Variants in XXYLT1 observed in about 807,000 individuals in gnomAD.
XXYLT1 encodes UDP-xylose:alpha-xyloside alpha-1,3-xylosyltransferase.
A neutral mutation model predicts 28.9 loss-of-function variants in XXYLT1; 20 were observed. That is an observed-to-expected ratio of 0.69 (90% CI 0.49 to 1.00). The LOEUF (loss-of-function observed/expected upper bound fraction) is 1.00. Among genes scored for constraint, XXYLT1 ranks in the 50% least tolerant of loss-of-function variants. The pLI is 0.00. For missense variants in XXYLT1, 542 were observed against 560.1 expected, an observed-to-expected ratio of 0.97 and a Z score of 0.33; for synonymous variants, 257 against 253.8, an observed-to-expected ratio of 1.01 and a Z score of -0.12.
chr3:195,236,020 C>G (rs1380014569), intron 1 of XXYLT1, among the ~76,000 whole-genome samples: 1 of 152,196 alleles, frequency 6.6e-6, no homozygotes, highest in Non-Finnish European at 1.5e-5. Context: ...ACTATCACCA[C>G]TGGGACTGCA....
At chr3:195,116,714 G>C (rs1718061009) in intron 3 of XXYLT1, among the ~76,000 whole-genome samples, 1 of 152,160 alleles carries the variant, frequency 6.6e-6, no homozygotes. Flanking sequence ...GAAGGGAAAG[G>C]GAAGGTAAGT....
chr3:195,179,785 C>T (rs1001341928), intron 2 of XXYLT1, among the ~76,000 whole-genome samples: 2 of 152,086 alleles, frequency 1.3e-5, no homozygotes, highest in Non-Finnish European at 2.9e-5. Flanking sequence ...TTCCAGATTC[C>T]ACTTGCAGCC....
At chr3:195,121,420 CT>C (rs1395828356) in intron 3 of XXYLT1, among the ~76,000 whole-genome samples, 2 of 152,206 alleles carry the variant, frequency 1.3e-5, no homozygotes, top group African/African-American at 4.8e-5. Context: ...CCTTTAACTC[CT>C]TTTGGCCTTC....
intron 3 of XXYLT1, among the ~76,000 whole-genome samples, chr3:195,090,272 T>G (rs1389953699): frequency 6.6e-5 from 10 of 151,726 alleles, no homozygotes; most frequent in Non-Finnish European, 1.5e-4. Context: ...ACCACATACT[T>G]GGAAGTAAAG....
intron 2 of XXYLT1, among the ~76,000 whole-genome samples, chr3:195,184,310 C>T (rs1369137285): frequency 3.9e-5 from 6 of 152,220 alleles, no homozygotes; most frequent in African/African-American, 7.2e-5. Context: ...TTCCAAAATG[C>T]TAAATGTGAC....
At chr3:195,106,656 G>C (rs1717111412) in intron 3 of XXYLT1, among the ~76,000 whole-genome samples, 1 of 152,254 alleles carries the variant, frequency 6.6e-6, no homozygotes, top group African/African-American at 2.4e-5. Context: ...AGAGCGGGAG[G>C]GGCCTGGGGC....
intron 2 of XXYLT1, among the ~76,000 whole-genome samples, chr3:195,164,970 G>C (rs987466536): frequency 6.6e-6 from 1 of 151,970 alleles, no homozygotes; most frequent in Non-Finnish European, 1.5e-5. Flanking sequence ...CATTGGAAGG[G>C]GAGAGTCTGT....
At chr3:195,143,863 TAGATATAG>T (rs1425830191) in intron 3 of XXYLT1, among the ~76,000 whole-genome samples, 3,682 of 97,756 alleles carry the variant, frequency 0.038, 236 homozygotes, top group East Asian at 0.19. Context: ...TAGATATATA[TAGATATAG>T]ATATATATAT....
chr3:195,157,055 CA>C (rs1304747832), intron 2 of XXYLT1, among the ~76,000 whole-genome samples: 1 of 151,948 alleles, frequency 6.6e-6, no homozygotes, highest in Non-Finnish European at 1.5e-5. Context: ...CCAGCCTGAC[CA>C]ACATTGTGAA....
In XXYLT1 at chr3:195,122,943, C is replaced by T. The variant is rs570389855; in HGVS notation, c.785+33506G>A. ...GACCAGGTGCTATAAGCCAGGAGCC[C>T]GGGCACTGGCCTGGTTCTGCAACGA... On this transcript the variant is annotated intron_variant, in intron 3 of 3. Transcript: ENST00000310380. 4.6e-5 allele frequency among the ~76,000 whole-genome samples: 7 copies of T among 152,128 alleles called. 1 individual carries two copies. Among genetic ancestry groups the T allele is most frequent in the East Asian group, 1.9e-4 (1 of 5,190 alleles).
chr3:195,174,345 CT>C (rs915743387), intron 2 of XXYLT1, among the ~76,000 whole-genome samples: 12 of 151,212 alleles, frequency 7.9e-5, no homozygotes, highest in African/African-American at 2.2e-4. Flanking sequence ...GCAATTATAC[CT>C]TTTTTTTTCT....
chr3:195,174,352 T>C (rs1469582344), intron 2 of XXYLT1, among the ~76,000 whole-genome samples: 2 of 152,096 alleles, frequency 1.3e-5, no homozygotes, highest in Non-Finnish European at 2.9e-5. Context: ...TACCTTTTTT[T>C]TTCTGAGATA....
In XXYLT1 at chr3:195,069,912, C is replaced by T. The variant is rs772589347; in HGVS notation, c.985G>A (p.Gly329Arg). 97 of 1,613,732 alleles carry T rather than the reference C, an allele frequency of 6.0e-5. No individual in the cohort carries two copies. Among genetic ancestry groups the T allele is most frequent in the Non-Finnish European group, 7.8e-5 (92 of 1,179,984 alleles). Residue 329 changes from glycine to arginine, a missense_variant, in exon 4 of 4, where the codon GGG (glycine) becomes AGG (arginine). By Grantham distance (125) the Gly-to-Arg change is moderately radical. Transcript: ENST00000310380. ...ATCATGGTGAAGAAGTCCTGGTCCC[C>T]GAGGTGGCCGCGGAAGTGGTACTTG... ...ADKYHFRGHL[G>R]DQDFFTMIGM... is the part of the protein sequence containing the mutation.
chr3:195,083,559 G>C (rs1209886476), intron 3 of XXYLT1, among the ~76,000 whole-genome samples: 1 of 152,136 alleles, frequency 6.6e-6, no homozygotes, highest in Non-Finnish European at 1.5e-5. Context: ...ATTTGTTCAA[G>C]CCTATTATGG....
At chr3:195,154,082 A>G (rs185852077) in intron 3 of XXYLT1, 80 of 152,334 alleles carry the variant, frequency 5.3e-4, no homozygotes, top group African/African-American at 1.9e-3. Context: ...GTATTGTTAC[A>G]GTAGGTAGCT....
In XXYLT1 at chr3:195,196,448, T is replaced by A. The variant is rs572843849; in HGVS notation, c.652+30261A>T. Among the ~76,000 whole-genome samples, 19 of 152,312 alleles carry A rather than the reference T, an allele frequency of 1.2e-4. No homozygotes were observed. In the South Asian group the frequency reaches 1.9e-3, roughly 15 times the overall value. On this transcript the variant is annotated intron_variant, in intron 2 of 3. Transcript: ENST00000310380. ...CACTACTGGGCCAACAACCCCGACA[T>A]GTACAAATAGTACCCCTGGGGCAAT...
At chr3:195,125,488 T>A (rs1272148389) in intron 3 of XXYLT1, among the ~76,000 whole-genome samples, 1 of 152,136 alleles carries the variant, frequency 6.6e-6, no homozygotes, top group Non-Finnish European at 1.5e-5. Flanking sequence ...AAGGCCAGGA[T>A]ATGAGCTCAC....
intron 3 of XXYLT1, among the ~76,000 whole-genome samples, chr3:195,148,328 A>C (rs1719981661): frequency 1.3e-5 from 2 of 152,194 alleles, no homozygotes; most frequent in Non-Finnish European, 2.9e-5. Flanking sequence ...AAAAACACTT[A>C]GCCCAGTTTT....
chr3:195,111,741 T>G (rs1230350839), intron 3 of XXYLT1, among the ~76,000 whole-genome samples: 3 of 152,166 alleles, frequency 2.0e-5, no homozygotes, highest in Admixed American at 1.3e-4. Flanking sequence ...GTGGTAAGAT[T>G]AACAGACAGA....
Sources: allele counts gnomAD v4.1 joint callset (sites outside exome capture counted in the v4.1 genomes callset), GRCh38; gene constraint gnomAD v4.1.1; transcripts MANE v1.5; gene names NCBI Gene and HGNC (gene_info 2026-07-23, HGNC 2026-07-21).